NTRK3: variants seen among roughly 807,000 people sequenced by gnomAD.
NTRK3 encodes the protein NT-3 growth factor receptor.
Under a neutral mutation model 91.7 loss-of-function variants are expected in NTRK3, and 24 were observed. The observed-to-expected ratio is 0.26, with a 90% CI of 0.19 to 0.37. The LOEUF is 0.37. NTRK3 is among the 10% of genes least tolerant of loss of function. The probability of loss-of-function intolerance (pLI) is 1.00; values close to 1 mark genes in which losing one functional copy is unlikely to be tolerated. For missense variants in NTRK3, 880 were observed against 1,068.9 expected, an observed-to-expected ratio of 0.82 and a Z score of 2.46; for synonymous variants, 483 against 404.0, an observed-to-expected ratio of 1.20 and a Z score of -2.34.
intron 11 of NTRK3, among the ~76,000 whole-genome samples, chr15:88,128,192 G>T (rs553173146): frequency 6.6e-6 from 1 of 152,140 alleles, no homozygotes; most frequent in South Asian, 2.1e-4. Flanking sequence ...GGATTGTCTA[G>T]CCCTAGCCCC....
intron 5 of NTRK3, among the ~76,000 whole-genome samples, chr15:88,170,714 G>A (rs2045428852): frequency 6.6e-6 from 1 of 152,186 alleles, no homozygotes. Context: ...CGTAGGCTAT[G>A]GATCAGGGTC....
chr15:88,239,044 C>T (rs901003647), intron 3 of NTRK3, among the ~76,000 whole-genome samples: 2 of 152,204 alleles, frequency 1.3e-5, no homozygotes, highest in African/African-American at 4.8e-5. Flanking sequence ...GGCCTGAATA[C>T]AGTGCTTAAC....
intron 14 of NTRK3, 128 bp from the exon 15 acceptor site, chr15:87,940,881 T>G: frequency 1.8e-4 from 214 of 1,207,156 alleles, no homozygotes; most frequent in Non-Finnish European, 2.4e-4. Context: ...AGGCAAACTC[T>G]AGCACACCAG....
chr15:88,164,120 C>T (rs1437637240), intron 5 of NTRK3, among the ~76,000 whole-genome samples: 1 of 152,162 alleles, frequency 6.6e-6, no homozygotes, highest in Non-Finnish European at 1.5e-5. Context: ...TCATTTACTC[C>T]ATTTCCAGAG....
At chr15:87,947,257 CT>C (rs5814316) in intron 14 of NTRK3, among the ~76,000 whole-genome samples, 33,087 of 151,856 alleles carry the variant, frequency 0.22, 3,680 homozygotes, top group South Asian at 0.24. Context: ...GGTTACGTAA[CT>C]TGCCCAAGAT....
intron 3 of NTRK3, among the ~76,000 whole-genome samples, chr15:88,186,071 G>C (rs1167947504): frequency 6.6e-6 from 1 of 152,202 alleles, no homozygotes; most frequent in Non-Finnish European, 1.5e-5. Flanking sequence ...CAGATGAAAA[G>C]AAAGCGCCAG....
At chr15:88,108,946 T>C (rs530654464) in intron 13 of NTRK3, among the ~76,000 whole-genome samples, 1 of 152,302 alleles carries the variant, frequency 6.6e-6, no homozygotes, top group South Asian at 2.1e-4. Flanking sequence ...TCTAATCCAC[T>C]TGCACAGTCA....
chr15:88,050,288 T>G (rs2080697217), intron 13 of NTRK3, among the ~76,000 whole-genome samples: 1 of 152,170 alleles, frequency 6.6e-6, no homozygotes, highest in Non-Finnish European at 1.5e-5. Flanking sequence ...AAGATGCTTC[T>G]CAAAATCACC....
intron 14 of NTRK3, among the ~76,000 whole-genome samples, chr15:87,970,568 G>A (rs2073169775): frequency 6.6e-6 from 1 of 152,180 alleles, no homozygotes; most frequent in African/African-American, 2.4e-5. Flanking sequence ...AATGAAGAAT[G>A]TTTTGTGTTT....
At chr15:88,092,656 T>C (rs1288853540) in intron 13 of NTRK3, among the ~76,000 whole-genome samples, 1 of 152,230 alleles carries the variant, frequency 6.6e-6, no homozygotes, top group African/African-American at 2.4e-5. Context: ...GCAATCAGTA[T>C]TGCTGTTCTG....
intron 14 of NTRK3, among the ~76,000 whole-genome samples, chr15:87,956,011 C>T (rs2071617653): frequency 6.6e-6 from 1 of 151,940 alleles, no homozygotes; most frequent in Non-Finnish European, 1.5e-5. Flanking sequence ...TTGTAATAAG[C>T]CCCGTGGTGG....
intron 14 of NTRK3, among the ~76,000 whole-genome samples, chr15:88,001,397 T>C (rs1420943279): frequency 6.6e-6 from 1 of 152,172 alleles, no homozygotes; most frequent in African/African-American, 2.4e-5. Context: ...GTGTCATATA[T>C]AAGAAATCAT....
At chr15:88,151,643 C>T (rs2043387829) in intron 5 of NTRK3, among the ~76,000 whole-genome samples, 1 of 152,192 alleles carries the variant, frequency 6.6e-6, no homozygotes, top group Non-Finnish European at 1.5e-5. Context: ...CCAGATGAGT[C>T]CCTCTGTTGC....
chr15:88,207,680 C>A (rs1423206381), intron 3 of NTRK3, among the ~76,000 whole-genome samples: 1 of 152,108 alleles, frequency 6.6e-6, no homozygotes, highest in Non-Finnish European at 1.5e-5. Flanking sequence ...CTGCTGCAGG[C>A]AAAAGAAGCA....
At chr15:87,923,828 T>A (rs983988580) in intron 17 of NTRK3, among the ~76,000 whole-genome samples, 1 of 152,134 alleles carries the variant, frequency 6.6e-6, no homozygotes, top group Non-Finnish European at 1.5e-5. Flanking sequence ...AGTGGGTTTG[T>A]TATCACAAGA....
chr15:87,933,890 G>C (rs1445425834), intron 15 of NTRK3, among the ~76,000 whole-genome samples: 2 of 152,182 alleles, frequency 1.3e-5, no homozygotes, highest in African/African-American at 2.4e-5. Context: ...CCTAGTGCAG[G>C]ATGGAAAGGA....
In NTRK3 at chr15:87,940,760, G is replaced by C. The variant is rs2069751015; in HGVS notation, c.1586-7C>G. ...CTCTTAATGTGCTGCACATCTGTAG[G>C]ATGGGGACAAAGAGGAGGGCAGCAA... On this transcript the variant is annotated splice_region_variant and splice_polypyrimidine_tract_variant and intron_variant, in intron 14 of 18. Coordinates refer to ENST00000394480, the Ensembl canonical transcript of NTRK3. 6.2e-7 allele frequency: 1 copy of C among 1,614,032 alleles called. No individual in the cohort carries two copies. Among genetic ancestry groups the C allele is most frequent in the Non-Finnish European group, 8.5e-7 (1 of 1,180,028 alleles).
chr15:87,872,578 A>G (rs571001498), exon 19 of NTRK3: 1 of 231,046 alleles, frequency 4.3e-6, no homozygotes, highest in African/African-American at 2.2e-5. Flanking sequence ...GGGAAGGTTG[A>G]CTAGCTGAGG....
intron 6 of NTRK3, among the ~76,000 whole-genome samples, chr15:88,140,209 A>G (rs933132753): frequency 6.6e-6 from 1 of 152,202 alleles, no homozygotes; most frequent in Admixed American, 6.5e-5. Flanking sequence ...AAATCCAACA[A>G]TAGTGTATAG....
Sources: allele counts gnomAD v4.1 joint callset (sites outside exome capture counted in the v4.1 genomes callset), GRCh38; gene constraint gnomAD v4.1.1; transcripts MANE v1.5; gene names NCBI Gene and HGNC (gene_info 2026-07-23, HGNC 2026-07-21).